Variants in ABCA12 observed in about 807,000 individuals in gnomAD.
The protein encoded by ABCA12 is glucosylceramide transporter ABCA12.
In ABCA12, 156 loss-of-function variants were observed where a neutral mutation model predicts 293.5. The observed-to-expected ratio is 0.53, with a 90% CI of 0.47 to 0.61. ABCA12 has a LOEUF of 0.61. Ranked by LOEUF, ABCA12 falls within the 20% of genes least tolerant of loss-of-function variation. The pLI, the probability that ABCA12 is intolerant of heterozygous loss-of-function variation, is 0.00. For synonymous variants in ABCA12, 1,063 were observed against 1,108.0 expected (o/e 0.96, Z 0.81); for missense variants, 2,797 against 3,090.2 (o/e 0.91, Z 2.25).
At chr2:215,069,200 A>T (rs868663945) in intron 2 of ABCA12, among the ~76,000 whole-genome samples, 91 of 152,054 alleles carry the variant, frequency 6.0e-4, no homozygotes, top group African/African-American at 2.0e-3. Flanking sequence ...TAAAAAAAAA[A>T]ATATGGAGTT....
At chr2:214,970,238 A>C (rs781515156) in intron 37 of ABCA12, 35 bp downstream of exon 37, 1 of 1,582,488 alleles carries the variant, frequency 6.3e-7, no homozygotes, top group Non-Finnish European at 8.6e-7. Context: ...TAAAATTAGC[A>C]AGCAATTAAA....
At chr2:215,017,719 C>A in intron 14 of ABCA12, 1 of 362,590 alleles carries the variant, frequency 2.8e-6, no homozygotes, top group South Asian at 2.6e-5. Context: ...CAGCTCACTG[C>A]AAGCTCATTG....
intron 2 of ABCA12, among the ~76,000 whole-genome samples, chr2:215,094,548 C>T (rs1420985784): frequency 2.0e-5 from 3 of 151,894 alleles, no homozygotes; most frequent in African/African-American, 4.8e-5. Flanking sequence ...CGTTTCACAA[C>T]CTCTTCTATG....
At chr2:215,046,649 AAAC>A (rs1202354983) in intron 6 of ABCA12, among the ~76,000 whole-genome samples, 1 of 141,204 alleles carries the variant, frequency 7.1e-6, no homozygotes, top group African/African-American at 3.2e-5. Flanking sequence ...TTTGTTAAAA[AAAC>A]AATTGTAAGT....
chr2:215,055,488 A>C (rs1701403088), intron 3 of ABCA12, among the ~76,000 whole-genome samples: 1 of 152,094 alleles, frequency 6.6e-6, no homozygotes, highest in South Asian at 2.1e-4. Flanking sequence ...TCAAAAATAA[A>C]ATCAGTCTAA....
chr2:214,961,782 G>T (rs1424900497), intron 39 of ABCA12: 1 of 151,936 alleles, frequency 6.6e-6, no homozygotes, highest in Non-Finnish European at 1.5e-5. Context: ...TATCAATCTT[G>T]TATTTTCTTC....
intron 28 of ABCA12, among the ~76,000 whole-genome samples, chr2:214,984,402 G>A (rs1308692582): frequency 6.6e-6 from 1 of 152,012 alleles, no homozygotes; most frequent in Non-Finnish European, 1.5e-5. Context: ...AGCCATGATT[G>A]GGCTTTTAAA....
intron 39 of ABCA12, chr2:214,962,995 C>T (rs374495828): frequency 1.3e-5 from 2 of 152,110 alleles, no homozygotes; most frequent in East Asian, 3.9e-4. Flanking sequence ...AACCTAACAT[C>T]TTAACTAAAA....
At chr2:215,035,664 CAAAAAAAAAAAA>C (rs748783341) in intron 8 of ABCA12, 1 of 45,688 alleles carries the variant, frequency 2.2e-5, no homozygotes, top group South Asian at 6.9e-4. Flanking sequence ...GACTCCATCT[CAAAAAAAAAAAA>C]AAAAAAAAAG....
chr2:215,025,468 C>A, intron 11 of ABCA12: 1 of 514,510 alleles, frequency 1.9e-6, no homozygotes, highest in East Asian at 3.5e-5. Flanking sequence ...GCCATAAACT[C>A]TTTTGTCACC....
intron 7 of ABCA12, among the ~76,000 whole-genome samples, chr2:215,044,122 T>A (rs1375779158): frequency 6.6e-6 from 1 of 152,118 alleles, no homozygotes; most frequent in African/African-American, 2.4e-5. Context: ...GAAATAAACA[T>A]CAGCATACAA....
intron 36 of ABCA12, 106 bp downstream of exon 36, chr2:214,973,843 T>A (rs916522216): frequency 1.0e-6 from 1 of 979,494 alleles, no homozygotes; most frequent in Non-Finnish European, 1.6e-6. Context: ...CTAGCTTCCA[T>A]AAAATGAACT....
At chr2:215,113,453 A>G (rs534911266) in intron 1 of ABCA12, among the ~76,000 whole-genome samples, 1 of 152,330 alleles carries the variant, frequency 6.6e-6, no homozygotes, top group African/African-American at 2.4e-5. Flanking sequence ...GGGATCTTGT[A>G]AACATACAGA....
At chr2:215,008,271 A>G (rs1290673394) in intron 18 of ABCA12, among the ~76,000 whole-genome samples, 1 of 152,178 alleles carries the variant, frequency 6.6e-6, no homozygotes, top group East Asian at 1.9e-4. Context: ...AATGGCTATT[A>G]AAATAAAATG....
At position 214,947,399 on chromosome 2, in the gene ABCA12, T is replaced by G; in HGVS notation, c.7239+23A>C. ...ATGCTGTTCTAATTATGGAGTGGCCTGTTTAAATAATGATTCTCTTACCAG... is the reference window on the plus strand; with the variant it reads ...ATGCTGTTCTAATTATGGAGTGGCCGGTTTAAATAATGATTCTCTTACCAG... On this transcript the variant is annotated intron_variant, in intron 48 of 52. Coordinates refer to ENST00000272895, the MANE Select transcript of ABCA12 (RefSeq NM_173076.3). 3.7e-6 allele frequency: 6 copies of G among 1,613,678 alleles called. No individual in the cohort carries two copies. The South Asian group carries it at 6.6e-5, about 18-fold the overall frequency.
At chr2:215,117,589 A>G (rs1702712838) in intron 1 of ABCA12, among the ~76,000 whole-genome samples, 1 of 152,228 alleles carries the variant, frequency 6.6e-6, no homozygotes, top group African/African-American at 2.4e-5. Flanking sequence ...GGCAAAGCAT[A>G]TAATTTCAAC....
chr2:215,104,781 T>C (rs1702429136), intron 2 of ABCA12, among the ~76,000 whole-genome samples: 1 of 152,166 alleles, frequency 6.6e-6, no homozygotes, highest in African/African-American at 2.4e-5. Context: ...AAATCTCTCC[T>C]ACATATTTGG....
intron 16 of ABCA12, 83 bp downstream of exon 16, chr2:215,011,888 A>G (rs1700383992): frequency 4.3e-6 from 6 of 1,399,578 alleles, no homozygotes; most frequent in East Asian, 4.6e-5. Context: ...TCAATGTACT[A>G]CGATTGAAGC....
At chr2:215,066,170 A>G (rs1701636108) in intron 2 of ABCA12, among the ~76,000 whole-genome samples, 1 of 152,184 alleles carries the variant, frequency 6.6e-6, no homozygotes, top group Non-Finnish European at 1.5e-5. Context: ...AAAAGTCTGC[A>G]GTGGAGGTTT....
Sources: gnomAD v4.1 joint callset for allele counts (sites outside exome capture counted in the v4.1 genomes callset) on GRCh38, gnomAD v4.1.1 for gene constraint, MANE v1.5 for transcripts, NCBI Gene and HGNC (gene_info 2026-07-23, HGNC 2026-07-21) for gene names.